Variants in NHERF1 observed in about 807,000 individuals in gnomAD.
The protein encoded by NHERF1 is Na(+)/H(+) exchange regulatory cofactor NHE-RF1.
the NHERF1 span, among the ~76,000 whole-genome samples, chr17:74,757,447 G>T: frequency 6.6e-6 from 1 of 152,092 alleles, no homozygotes; most frequent in African/African-American, 2.4e-5. Context: ...GGTGACATCA[G>T]GGCCACTACG....
chr17:74,763,288 C>A, the NHERF1 span: 1 of 1,449,358 alleles, frequency 6.9e-7, no homozygotes, highest in Non-Finnish European at 9.5e-7. Flanking sequence ...GTGGTCACCC[C>A]TGCCCCCAAC....
chr17:74,762,109 G>T, the NHERF1 span: 3 of 1,614,180 alleles, frequency 1.9e-6, no homozygotes, highest in Admixed American at 5.0e-5. The surrounding 1 kb of genome is among the most constrained non-coding windows in gnomAD (Gnocchi z 4.2). Flanking sequence ...CAGTTCATCC[G>T]GTCAGTGGAC....
At chr17:74,748,909 G>A in the NHERF1 span, 7 of 1,600,642 alleles carry the variant, frequency 4.4e-6, no homozygotes, top group Non-Finnish European at 5.9e-6. The surrounding 1 kb of genome is among the most constrained non-coding windows in gnomAD (Gnocchi z 4.3). Flanking sequence ...AGAAGGGTCC[G>A]AACGGCTACG....
the NHERF1 span, among the ~76,000 whole-genome samples, chr17:74,757,723 C>G: frequency 6.6e-6 from 1 of 152,138 alleles, no homozygotes; most frequent in African/African-American, 2.4e-5. Context: ...GCTCTTACAC[C>G]CAACATACTC....
At chr17:74,751,160 G>A in the NHERF1 span, among the ~76,000 whole-genome samples, 2 of 152,286 alleles carry the variant, frequency 1.3e-5, no homozygotes, top group African/African-American at 4.8e-5. This position sits in a 1 kb window ranked among gnomAD's most constrained non-coding sequence, Gnocchi z 4.3. Context: ...ACTAAATGCT[G>A]AACTGCACTC....
At chr17:74,761,465 G>A in the NHERF1 span, among the ~76,000 whole-genome samples, 3 of 152,198 alleles carry the variant, frequency 2.0e-5, no homozygotes, top group South Asian at 2.1e-4. The surrounding 1 kb of genome is among the most constrained non-coding windows in gnomAD (Gnocchi z 4.3). Flanking sequence ...GAGAGAGTTC[G>A]AGTATATGGA....
At chr17:74,766,183 GTTTT>G in the NHERF1 span, among the ~76,000 whole-genome samples, 4 of 151,104 alleles carry the variant, frequency 2.6e-5, no homozygotes, top group Admixed American at 6.6e-5. Flanking sequence ...TTTTTGGTTT[GTTTT>G]TTTTGTTTTG....
the NHERF1 span, chr17:74,768,453 CACTTCTCTTT>C: frequency 1.9e-6 from 3 of 1,613,946 alleles, no homozygotes; most frequent in Non-Finnish European, 2.5e-6. Flanking sequence ...TTCCTGCCCC[CACTTCTCTTT>C]ACAGCTGAAT....
chr17:74,756,575 G>A, the NHERF1 span, among the ~76,000 whole-genome samples: 19 of 152,164 alleles, frequency 1.2e-4, no homozygotes, highest in African/African-American at 4.1e-4. Context: ...CACTGCACCC[G>A]GCCTATTTTT....
At chr17:74,748,716 G>A in the NHERF1 span, 1 of 797,816 alleles carries the variant, frequency 1.3e-6, no homozygotes, top group Non-Finnish European at 1.9e-6. The surrounding 1 kb of genome is among the most constrained non-coding windows in gnomAD (Gnocchi z 4.3). Context: ...ACACCTGCTT[G>A]CTTGGCCCGT....
the NHERF1 span, chr17:74,768,948 C>T: frequency 2.2e-6 from 1 of 458,554 alleles, no homozygotes. Flanking sequence ...GAACCTGCAC[C>T]ATGCCAGGAT....
chr17:74,762,315 G>A, the NHERF1 span: 1 of 705,332 alleles, frequency 1.4e-6, no homozygotes, highest in East Asian at 2.8e-5. This position sits in a 1 kb window ranked among gnomAD's most constrained non-coding sequence, Gnocchi z 4.2. Context: ...TGGGTGGATG[G>A]GAGGGAGGGA....
the NHERF1 span, chr17:74,749,196 CG>C: frequency 6.6e-7 from 1 of 1,524,678 alleles, no homozygotes; most frequent in South Asian, 1.2e-5. The surrounding 1 kb of genome is among the most constrained non-coding windows in gnomAD (Gnocchi z 5.6). Context: ...CAGGAAGCGC[CG>C]GGGCAGGCCG....
the NHERF1 span, chr17:74,766,950 C>T: frequency 1.2e-6 from 2 of 1,614,096 alleles, no homozygotes; most frequent in South Asian, 2.2e-5. Context: ...CCTGCCTGTG[C>T]CCTTCACCAA....
the NHERF1 span, among the ~76,000 whole-genome samples, chr17:74,767,371 A>G: frequency 6.6e-6 from 1 of 152,148 alleles, no homozygotes; most frequent in African/African-American, 2.4e-5. Context: ...TTCCCTGGGC[A>G]GAAGGGAAAG....
At chr17:74,752,159 G>T in the NHERF1 span, among the ~76,000 whole-genome samples, 1 of 152,220 alleles carries the variant, frequency 6.6e-6, no homozygotes, top group Non-Finnish European at 1.5e-5. Flanking sequence ...TTGTGGCCAG[G>T]TGTGGTGGCT....
the NHERF1 span, chr17:74,769,192 C>G: frequency 1.3e-5 from 2 of 155,580 alleles, no homozygotes; most frequent in African/African-American, 2.4e-5. Flanking sequence ...CTGGTTGTTA[C>G]ATCCAGGGCA....
chr17:74,768,547 T>TC, the NHERF1 span: 1 of 1,613,920 alleles, frequency 6.2e-7, no homozygotes, highest in South Asian at 1.1e-5. Flanking sequence ...ATCCTAGACT[T>TC]CAACATCTCC....
the NHERF1 span, chr17:74,768,937 G>A: frequency 2.1e-6 from 1 of 477,012 alleles, no homozygotes; most frequent in African/African-American, 2.0e-5. Flanking sequence ...GGACATCGCT[G>A]GAACCTGCAC....
Sources: gnomAD v4.1 joint callset for allele counts (sites outside exome capture counted in the v4.1 genomes callset) on GRCh38, gnomAD v4.1.1 for gene constraint, Gnocchi (gnomAD v3.1) non-coding constraint, MANE v1.5 for transcripts, NCBI Gene and HGNC (gene_info 2026-07-23, HGNC 2026-07-21) for gene names.